The following FBRSL1 variants were observed in gnomAD, a reference collection of about 807,000 sequenced individuals.
The protein encoded by FBRSL1 is fibrosin like 1.
Under a neutral mutation model 89.6 loss-of-function variants are expected in FBRSL1, and 51 were observed. The ratio of observed to expected loss-of-function variants is 0.57; its 90% CI spans 0.45 to 0.72. The LOEUF (loss-of-function observed/expected upper bound fraction) is 0.72. FBRSL1 is among the 30% of genes least tolerant of loss of function. The pLI is 0.00. For synonymous variants in FBRSL1, 779 were observed against 681.1 expected, an observed-to-expected ratio of 1.14 and a Z score of -2.24; for missense variants, 1,618 against 1,451.8, an observed-to-expected ratio of 1.11 and a Z score of -1.86.
In FBRSL1 at chr12:132,573,919, C is replaced by T. The variant is rs1443865314; in HGVS notation, c.1531-171C>T. 3.3e-5 allele frequency among the ~76,000 whole-genome samples: 5 copies of T among 152,168 alleles called. No individual in the cohort carries two copies. In the East Asian group the frequency reaches 7.7e-4, roughly 23 times the overall value. On this transcript the variant is annotated intron_variant, in intron 11 of 18. Transcript: ENST00000680143. Reference sequence around the variant, plus strand: ...CCCACCTTTGCAGAAACTGGCGGGCCAAAAGTGTGGTGGTCCTGCGAGGGA... The same window carrying T: ...CCCACCTTTGCAGAAACTGGCGGGCTAAAAGTGTGGTGGTCCTGCGAGGGA...
rs937394316 is a variant in FBRSL1, at chr12:132,570,121, G to C, written c.887G>C (p.Arg296Pro). ...LVKKEPPAPH[R>P]HTPQPPPPQP... ...AAGAAGGAACCCCCCGCCCCGCACC[G>C]CCACACCCCGCAGCCGCCACCCCCG... Residue 296 changes from arginine to proline, a missense_variant, in exon 7 of 19, where the codon CGC (arginine) becomes CCC (proline). Coordinates refer to ENST00000680143, the MANE Select transcript of FBRSL1 (RefSeq NM_001367871.1). 2 of 1,472,526 alleles carry C rather than the reference G, an allele frequency of 1.4e-6. No individual in the cohort carries two copies. The highest frequency in any genetic ancestry group is 2.6e-5 in the South Asian group (2 of 77,420). 91.2% of individuals were successfully genotyped at this position (1,472,526 alleles called of 1,614,324 possible). A position where few individuals can be genotyped will look rare whatever the true frequency, so the allele number is the denominator to read the frequency against.
rs769125289 is a variant in FBRSL1, at chr12:132,570,154, G to T, written c.920G>T (p.Arg307Leu). ...CCGCAGCCGCCACCCCCGCAGCCCC[G>T]CGGCCTGCTCCCGACACACGTGCCT... ...HTPQPPPPQP[R>L]GLLPTHVPAS... Residue 307 changes from arginine to leucine, a missense_variant, in exon 7 of 19, where the codon CGC (arginine) becomes CTC (leucine). Physicochemically the swap from Arg to Leu is moderately radical, Grantham distance 102. Coordinates refer to ENST00000680143, the MANE Select transcript of FBRSL1 (RefSeq NM_001367871.1). The T allele has an allele frequency of 1.3e-6, 2 of 1,489,710 alleles. No homozygotes were observed. The highest frequency in any genetic ancestry group is 2.9e-5 in the African/African-American group (2 of 67,850). 92.3% of individuals were successfully genotyped at this position (1,489,710 alleles called of 1,614,324 possible). A position where few individuals can be genotyped will look rare whatever the true frequency, so the allele number is the denominator to read the frequency against.
intron 2 of FBRSL1, chr12:132,510,127 A>T (rs1593283265): frequency 8.2e-7 from 1 of 1,223,412 alleles, no homozygotes; most frequent in Non-Finnish European, 1.0e-6. Flanking sequence ...TGCCCACCCA[A>T]GCGGCCGCTC....
intron 1 of FBRSL1, among the ~76,000 whole-genome samples, chr12:132,493,342 A>G (rs1288266799): frequency 6.6e-6 from 1 of 152,198 alleles, no homozygotes. Flanking sequence ...GAGTTGGAGG[A>G]AGCCCTTGTA....
chr12:132,501,755 A>G (rs138531315), intron 1 of FBRSL1, among the ~76,000 whole-genome samples: 146 of 152,242 alleles, frequency 9.6e-4, no homozygotes, highest in African/African-American at 3.3e-3. Context: ...TCCTCGTCCC[A>G]GCAGCGCTGG....
At chr12:132,520,811 C>T (rs919599540) in intron 2 of FBRSL1, among the ~76,000 whole-genome samples, 2 of 152,162 alleles carry the variant, frequency 1.3e-5, no homozygotes, top group African/African-American at 4.8e-5. Flanking sequence ...GGGACTGTCC[C>T]TTCGGGAGCG....
intron 1 of FBRSL1, among the ~76,000 whole-genome samples, chr12:132,503,551 C>G (rs767956478): frequency 6.6e-6 from 1 of 152,230 alleles, no homozygotes; most frequent in African/African-American, 2.4e-5. Flanking sequence ...CCGTTCCCAC[C>G]TTCGCAGCTG....
chr12:132,583,450 G>C lies in FBRSL1; in HGVS notation c.2681G>C (p.Ser894Thr). 1 of 1,064,048 alleles carries C rather than the reference G, an allele frequency of 9.4e-7. No homozygotes were observed. Among genetic ancestry groups the C allele is most frequent in the Non-Finnish European group, 1.1e-6 (1 of 879,186 alleles). 65.9% of individuals were successfully genotyped at this position (1,064,048 alleles called of 1,614,324 possible). The part of the protein sequence containing the change: ...PYRDREPHGY[S>T]PERLRGELER... ...CGCGACCGCGAGCCCCACGGCTACA[G>C]CCCCGAGCGCCTGCGCGGGGAGCTG... The change falls in exon 19 of 19, where the codon AGC becomes ACC. Residue 894 changes from serine (S) to threonine (T), a missense_variant. Ser to Thr is a moderately conservative substitution (Grantham distance 58). Transcript: ENST00000680143.
intron 1 of FBRSL1, chr12:132,507,327 C>G (rs1418105428): frequency 1.0e-6 from 1 of 985,494 alleles, no homozygotes. Flanking sequence ...GGACCCTAAA[C>G]TTGACGCGCC....
intron 5 of FBRSL1, among the ~76,000 whole-genome samples, chr12:132,563,278 C>T (rs1198340077): frequency 2.2e-5 from 2 of 89,382 alleles, no homozygotes; most frequent in Non-Finnish European, 4.6e-5. Flanking sequence ...GCCTGCATCC[C>T]ATGTCTGGCC....
At chr12:132,548,755 G>A (rs76230644) in intron 5 of FBRSL1, among the ~76,000 whole-genome samples, 416 of 152,324 alleles carry the variant, frequency 2.7e-3, no homozygotes, top group African/African-American at 9.6e-3. Flanking sequence ...GTCTCCCTGT[G>A]ACTGCCAAGG....
intron 15 of FBRSL1, chr12:132,580,739 T>G (rs2040688096): frequency 1.0e-6 from 1 of 984,370 alleles, no homozygotes; most frequent in Non-Finnish European, 1.2e-6. Flanking sequence ...TCCCTAAGAT[T>G]AGGGCTGGGA....
Position 132,583,417 on chromosome 12 carries a change from GC to G in FBRSL1, c.2652del (p.Tyr885ThrfsTer76). On this transcript the variant is annotated frameshift_variant, in exon 19 of 19. Coordinates refer to ENST00000680143, the MANE Select transcript of FBRSL1 (RefSeq NM_001367871.1). LOFTEE classifies it high-confidence loss of function. The stretch of plus-strand genomic sequence containing the variant: ...GCCGCCCTCTTGGAGCCCCCGGAGC[GC>G]CCCTACCGCGACCGCGAGCCCCACG... The part of the protein sequence containing the change: ...GSAALLEPPE[R>X]PYRDREPHGY... 9.3e-7 allele frequency: 1 copy of G among 1,070,128 alleles called. No individual in the cohort carries two copies. Among genetic ancestry groups the G allele is most frequent in the Non-Finnish European group, 1.1e-6 (1 of 883,978 alleles). 66.3% of individuals were successfully genotyped at this position (1,070,128 alleles called of 1,614,324 possible).
rs545863996 is a variant in FBRSL1 at position 132,495,445 on chromosome 12, C to A, written c.291+4584C>A. ...GGGGCACTGTGAGTCCATGCCTGGC[C>A]CATCTCTCAGATGGTGGTGGGGGCT... On this transcript the variant is annotated intron_variant, in intron 1 of 18. Transcript: ENST00000680143. Among the ~76,000 whole-genome samples, 18 of 152,312 alleles carry A rather than the reference C, an allele frequency of 1.2e-4. No homozygotes were observed. In the East Asian group the frequency reaches 2.7e-3, roughly 23 times the overall value.
In FBRSL1 at chr12:132,581,458, C is replaced by T. The variant is rs1390052246; in HGVS notation, c.1854C>T (p.Ser618=). Residue 618 remains serine, a synonymous_variant, in exon 16 of 19, where the codon TCC becomes TCT. Transcript: ENST00000680143. The part of the protein sequence containing the change: ...FPSTGAAHPA[S]NPFGPSAHPG... Reference sequence around the variant, plus strand: ...CCCCAGGTGCCGCCCATCCTGCCTCCAACCCATTTGGACCCTCAGCCCATC... The same window carrying T: ...CCCCAGGTGCCGCCCATCCTGCCTCTAACCCATTTGGACCCTCAGCCCATC... 4 of 1,551,104 alleles carry T rather than the reference C, an allele frequency of 2.6e-6. No homozygotes were observed. Among genetic ancestry groups the T allele is most frequent in the Non-Finnish European group, 3.5e-6 (4 of 1,146,938 alleles).
intron 1 of FBRSL1, among the ~76,000 whole-genome samples, chr12:132,495,686 TTCC>T (rs1024208792): frequency 3.5e-4 from 53 of 152,280 alleles, no homozygotes; most frequent in African/African-American, 1.2e-3. Context: ...TGGATTCCTG[TTCC>T]TCCCACAGAG....
Position 132,508,234 on chromosome 12 carries a change from T to C in FBRSL1, c.373T>C (p.Cys125Arg), listed in dbSNP as rs1165160465. 3 of 1,551,078 alleles carry C rather than the reference T, an allele frequency of 1.9e-6. No homozygotes were observed. Among genetic ancestry groups the C allele is most frequent in the South Asian group, 2.4e-5 (2 of 84,068 alleles). Reference sequence around the variant, plus strand: ...CAAGAAGCCCCGGGAGTCGGAAACCTGCCCCCCTGCGGAGCCCAGTGAGAA... The same window carrying C: ...CAAGAAGCCCCGGGAGTCGGAAACCCGCCCCCCTGCGGAGCCCAGTGAGAA... ...LIKKPRESET[C>R]PPAEPSENRR... Residue 125 changes from cysteine to arginine, a missense_variant, in exon 2 of 19, where the codon TGC becomes CGC. Transcript: ENST00000680143.
In FBRSL1 at chr12:132,563,865, A is replaced by T. The variant is rs556192793; in HGVS notation, c.646-3616A>T. Among the ~76,000 whole-genome samples the T allele has an allele frequency of 2.4e-3, 158 of 66,226 alleles. 3 individuals are homozygous for T. Among genetic ancestry groups the T allele is most frequent in the East Asian group, 0.012 (17 of 1,370 alleles). The allele number at this position is 66,226 out of a possible 152,430, so 43.4% of individuals were successfully genotyped here. ...CCCCTCCGGCTGACACATACCTACGACTGTACACTCACTCCCGTCGCCCCT... is the reference window on the plus strand; with the variant it reads ...CCCCTCCGGCTGACACATACCTACGTCTGTACACTCACTCCCGTCGCCCCT... On this transcript the variant is annotated intron_variant, in intron 5 of 18. Coordinates refer to ENST00000680143, the MANE Select transcript of FBRSL1 (RefSeq NM_001367871.1).
At chr12:132,528,084 C>A in intron 4 of FBRSL1, 96 bp downstream of exon 4, 3 of 1,136,622 alleles carry the variant, frequency 2.6e-6, no homozygotes, top group East Asian at 2.6e-5. Context: ...ACTTAGCTCA[C>A]CCCAGTCCCG....
Sources: allele counts gnomAD v4.1 joint callset (sites outside exome capture counted in the v4.1 genomes callset), GRCh38; gene constraint gnomAD v4.1.1; transcripts MANE v1.5; gene names NCBI Gene and HGNC (gene_info 2026-07-23, HGNC 2026-07-21).